The following DMD variants were observed in gnomAD, a reference collection of about 807,000 sequenced individuals.
The protein encoded by DMD is dystrophin.
A neutral mutation model predicts 330.1 loss-of-function variants in DMD; 63 were observed. That is an observed-to-expected ratio of 0.19 (90% CI 0.16 to 0.24). DMD has a LOEUF of 0.24. Among genes scored for constraint, DMD ranks in the 10% least tolerant of loss-of-function variants. The pLI, the probability that DMD is intolerant of heterozygous loss-of-function variation, is 1.00. For synonymous variants in DMD, 1,223 were observed against 959.8 expected (o/e 1.27, Z -5.07); for missense variants, 3,344 against 2,684.1 (o/e 1.25, Z -5.43).
intron 7 of DMD, among the ~76,000 whole-genome samples, chrX:32,711,633 G>A (rs2065200820): frequency 8.9e-6 from 1 of 111,980 alleles, no homozygotes; most frequent in Non-Finnish European, 1.9e-5. Flanking sequence ...GCTTATTGTA[G>A]TGGAAAACTA....
intron 48 of DMD, among the ~76,000 whole-genome samples, chrX:31,863,840 CTT>C (rs1430929821): frequency 1.8e-5 from 2 of 110,954 alleles, no homozygotes; most frequent in African/African-American, 6.5e-5. Context: ...GCTAATAAAA[CTT>C]TATAGCATAA....
chrX:32,410,791 T>C (rs959847762), intron 30 of DMD, among the ~76,000 whole-genome samples: 2 of 112,554 alleles, frequency 1.8e-5, no homozygotes, highest in African/African-American at 6.4e-5. Context: ...GAACAGCATT[T>C]TAAAAATACT....
At chrX:32,044,378 A>G (rs185403481) in intron 44 of DMD, among the ~76,000 whole-genome samples, 1 of 110,880 alleles carries the variant, frequency 9.0e-6, no homozygotes, top group East Asian at 2.8e-4. Context: ...TATTAAAAAA[A>G]AAACCTACAC....
At chrX:32,265,843 A>G (rs1042075005) in intron 43 of DMD, among the ~76,000 whole-genome samples, 1 of 112,339 alleles carries the variant, frequency 8.9e-6, no homozygotes, top group Non-Finnish European at 1.9e-5. Context: ...CATTGTACCT[A>G]GAAAGTAACT....
chrX:32,570,555 G>T (rs2052300060), intron 15 of DMD, among the ~76,000 whole-genome samples: 1 of 111,941 alleles, frequency 8.9e-6, no homozygotes, highest in Non-Finnish European at 1.9e-5. Context: ...AGAAATGACA[G>T]TTCTCAGTTG....
At chrX:31,225,362 A>G (rs2046475212) in intron 63 of DMD, among the ~76,000 whole-genome samples, 1 of 112,307 alleles carries the variant, frequency 8.9e-6, no homozygotes, top group Non-Finnish European at 1.9e-5. Context: ...GGTTTCATTA[A>G]TTTTCCTAAT....
intron 41 of DMD, among the ~76,000 whole-genome samples, chrX:32,337,667 A>G (rs1375293439): frequency 1.8e-5 from 2 of 110,581 alleles, no homozygotes; most frequent in Non-Finnish European, 3.8e-5. Context: ...CATTATCTCG[A>G]ATAAGTCTTG....
chrX:32,564,640 T>C (rs1408073235), intron 16 of DMD, among the ~76,000 whole-genome samples: 1 of 112,248 alleles, frequency 8.9e-6, no homozygotes, highest in Non-Finnish European at 1.9e-5. Flanking sequence ...TTCATATTTC[T>C]TCAAATTATA....
intron 1 of DMD, among the ~76,000 whole-genome samples, chrX:33,331,676 G>C (rs1455624339): frequency 5.4e-5 from 6 of 111,454 alleles, no homozygotes. Flanking sequence ...TACATTGACA[G>C]CAATTAATCT....
At chrX:31,734,180 G>C (rs1314469957) in intron 51 of DMD, among the ~76,000 whole-genome samples, 3 of 110,076 alleles carry the variant, frequency 2.7e-5, no homozygotes, top group Middle Eastern at 8.7e-3. Flanking sequence ...CATTCTCTCT[G>C]TGTGTATAGA....
intron 2 of DMD, among the ~76,000 whole-genome samples, chrX:32,979,904 A>G (rs2147207118): frequency 9.0e-6 from 1 of 111,533 alleles, no homozygotes; most frequent in East Asian, 2.8e-4. Flanking sequence ...ACCGTAATTT[A>G]GGGAGGGAGG....
chrX:31,516,329 G>A (rs896764707), intron 55 of DMD, among the ~76,000 whole-genome samples: 43 of 103,998 alleles, frequency 4.1e-4, no homozygotes, highest in Non-Finnish European at 7.8e-4. Context: ...CAAGTTTTTC[G>A]AGAAGAATCC....
Position 31,359,386 on chromosome X carries a change from T to C in DMD, c.9085-10752A>G, listed in dbSNP as rs750018397. Among the ~76,000 whole-genome samples the C allele has an allele frequency of 2.4e-4, 27 of 112,231 alleles. No homozygotes were observed. The East Asian group carries it at 6.7e-3, about 28-fold the overall frequency. On this transcript the variant is annotated intron_variant, in intron 60 of 78. Coordinates refer to ENST00000357033, the MANE Select transcript of DMD (RefSeq NM_004006.3). The stretch of plus-strand genomic sequence containing the variant: ...GATAGTTCTGATGTACAGCCTGGTA[T>C]ACATCCATCAGTGTAGTGGAAATGC...
chrX:32,949,981 AAT>A (rs1400655582), intron 2 of DMD, among the ~76,000 whole-genome samples: 1 of 63,796 alleles, frequency 1.6e-5, no homozygotes, highest in Non-Finnish European at 2.8e-5. Flanking sequence ...AAAAAAAAAA[AAT>A]AGAGTGGTCT....
At chrX:32,914,445 G>A (rs550129009) in intron 2 of DMD, among the ~76,000 whole-genome samples, 11 of 112,478 alleles carry the variant, frequency 9.8e-5, no homozygotes, top group Middle Eastern at 4.6e-3. Context: ...ACAAGCAACA[G>A]TTTGCTTTGG....
chrX:32,830,853 C>A (rs1320782875), intron 4 of DMD, among the ~76,000 whole-genome samples: 1 of 110,707 alleles, frequency 9.0e-6, no homozygotes, highest in Non-Finnish European at 1.9e-5. Flanking sequence ...ATTGTGACTC[C>A]AGTAGAATAT....
intron 67 of DMD, among the ~76,000 whole-genome samples, chrX:31,183,519 CCTCT>C (rs2041389392): frequency 1.8e-5 from 2 of 111,326 alleles, no homozygotes; most frequent in Non-Finnish European, 1.9e-5. Flanking sequence ...ATTCTGTCTG[CCTCT>C]CTATTTCTCT....
intron 27 of DMD, among the ~76,000 whole-genome samples, chrX:32,446,178 G>A (rs922328798): frequency 9.0e-6 from 1 of 110,570 alleles, no homozygotes; most frequent in Non-Finnish European, 1.9e-5. Flanking sequence ...AAGAAATAAC[G>A]TATCTGTTCT....
chrX:32,164,040 T>C (rs2096859183), intron 44 of DMD, among the ~76,000 whole-genome samples: 1 of 111,647 alleles, frequency 9.0e-6, no homozygotes, highest in African/African-American at 3.3e-5. Flanking sequence ...TCTGTTCAAA[T>C]GTCACCTCAT....
Sources: gnomAD v4.1 joint callset for allele counts (sites outside exome capture counted in the v4.1 genomes callset) on GRCh38, gnomAD v4.1.1 for gene constraint, MANE v1.5 for transcripts, NCBI Gene and HGNC (gene_info 2026-07-23, HGNC 2026-07-21) for gene names.